Variants in COPS7B observed in about 807,000 individuals in gnomAD.
COPS7B encodes COP9 signalosome complex subunit 7b.
COPS7B carries 9 observed loss-of-function variants against 33.4 expected under a neutral mutation model. The observed-to-expected ratio is 0.27, with a 90% CI of 0.16 to 0.47. The LOEUF is 0.47. COPS7B is among the 20% of genes least tolerant of loss of function. The pLI is 0.99. For synonymous variants in COPS7B, 119 were observed against 126.3 expected (o/e 0.94, Z 0.39); for missense variants, 242 against 318.2 (o/e 0.76, Z 1.82).
intron 6 of COPS7B, among the ~76,000 whole-genome samples, chr2:231,805,568 A>AT (rs1183272380): frequency 6.6e-6 from 1 of 151,360 alleles, no homozygotes; most frequent in Non-Finnish European, 1.5e-5. Context: ...GACTTAAGTG[A>AT]TCCTCCTGCC....
Position 231,794,325 on chromosome 2 carries a change from A to G in COPS7B, c.301A>G (p.Ile101Val), listed in dbSNP as rs766746543. ...GCAGAACAAGCTGAAGCATCTTACC[A>G]TCGTGAGCTTGGCATCAAGAATGAA... ...AQQNKLKHLT[I>V]VSLASRMKCI... Residue 101 changes from isoleucine to valine, a missense_variant, in exon 4 of 7, where the codon ATC (isoleucine) becomes GTC (valine). Ile to Val is a conservative substitution (Grantham distance 29). Transcript: ENST00000350033. 7 of 1,613,956 alleles carry G rather than the reference A, an allele frequency of 4.3e-6. No individual in the cohort carries two copies. Among genetic ancestry groups the G allele is most frequent in the Admixed American group, 3.3e-5 (2 of 59,984 alleles).
intron 4 of COPS7B, among the ~76,000 whole-genome samples, chr2:231,795,714 T>G (rs2049547919): frequency 6.6e-6 from 1 of 152,214 alleles, no homozygotes; most frequent in Non-Finnish European, 1.5e-5. Context: ...AGTAGCCAGC[T>G]CTTTCCAGTG....
chr2:231,787,798 G>T (rs1318879522), intron 1 of COPS7B, among the ~76,000 whole-genome samples: 1 of 152,076 alleles, frequency 6.6e-6, no homozygotes, highest in Non-Finnish European at 1.5e-5. Context: ...TATCTGTCTG[G>T]CTGTAGATTG....
At chr2:231,784,809 CTTTG>C (rs1231435461), upstream of COPS7B, among the ~76,000 whole-genome samples, 8 of 152,104 alleles carry the variant, frequency 5.3e-5, no homozygotes, top group African/African-American at 1.9e-4. Context: ...TTGCCACTAC[CTTTG>C]TTTTTGTTTG....
chr2:231,806,012 G>A (rs1167978945), intron 6 of COPS7B, among the ~76,000 whole-genome samples: 1 of 151,950 alleles, frequency 6.6e-6, no homozygotes, highest in Non-Finnish European at 1.5e-5. Context: ...AAAGGCTACA[G>A]CGTTGATTGA....
Position 231,808,203 on chromosome 2 carries a change from G to T in COPS7B, c.*558G>T. 3.1e-6 allele frequency: 1 copy of T among 325,142 alleles called. No homozygotes were observed. Among genetic ancestry groups the T allele is most frequent in the Non-Finnish European group, 6.2e-6 (1 of 162,420 alleles). 20.1% of individuals were successfully genotyped at this position (325,142 alleles called of 1,614,324 possible). A position where few individuals can be genotyped will look rare whatever the true frequency, so the allele number is the denominator to read the frequency against. On this transcript the variant is annotated 3_prime_UTR_variant, in exon 7 of 7. Transcript: ENST00000350033. ...AGGCCGTGGAGGGACGTGATGCTGG[G>T]CTGTGTTTACTAAACCCACGGGTTT...
upstream of COPS7B, chr2:231,781,871 T>C (rs2049139300): frequency 6.4e-7 from 1 of 1,550,688 alleles, no homozygotes. Context: ...AACTCAGACA[T>C]CTGCAAATCA....
At chr2:231,791,942 C>A in intron 3 of COPS7B, 134 bp downstream of exon 3, 1 of 779,698 alleles carries the variant, frequency 1.3e-6, no homozygotes. Context: ...TTTTGCTGTG[C>A]CCGGTGGGTG....
Position 231,796,114 on chromosome 2 carries a change from C to T in COPS7B, c.336C>T (p.Pro112=), listed in dbSNP as rs745763588. ...VSLASRMKCI[P]YSVLLKDLEM... ...CATGGCCTTATCTACAGTGTATCCC[C>T]TACTCCGTGTTGCTGAAAGACCTGG... The change falls in exon 5 of 7, where the codon CCC becomes CCT. Residue 112 remains proline, a synonymous_variant. Transcript: ENST00000350033. 13 of 1,613,586 alleles carry T rather than the reference C, an allele frequency of 8.1e-6. No individual in the cohort carries two copies. In the African/African-American group the frequency reaches 1.7e-4, roughly 22 times the overall value.
intron 6 of COPS7B, chr2:231,801,188 A>G: frequency 2.6e-6 from 4 of 1,550,532 alleles, no homozygotes; most frequent in East Asian, 2.4e-5. Flanking sequence ...CCTGAATCTT[A>G]TAACAACAGC....
At chr2:231,790,039 G>A (rs1574655806) in intron 2 of COPS7B, 2 of 152,174 alleles carry the variant, frequency 1.3e-5, no homozygotes, top group African/African-American at 4.8e-5. Context: ...CTTTAGAGCT[G>A]AATACGTAGC....
chr2:231,807,786 C>G lies in COPS7B; in HGVS notation c.*141C>G. Reference sequence around the variant, plus strand: ...CCAGCGCCTCCCCACCCTGTTGGTACTGTTCCAGAAAAACTGTTACTCCCC... The same window carrying G: ...CCAGCGCCTCCCCACCCTGTTGGTAGTGTTCCAGAAAAACTGTTACTCCCC... On this transcript the variant is annotated 3_prime_UTR_variant, in exon 7 of 7. Transcript: ENST00000350033. 1 of 725,860 alleles carries G rather than the reference C, an allele frequency of 1.4e-6. No individual in the cohort carries two copies. Among genetic ancestry groups the G allele is most frequent in the Non-Finnish European group, 2.2e-6 (1 of 459,152 alleles). The allele number at this position is 725,860 out of a possible 1,614,324, so 45.0% of individuals were successfully genotyped here.
chr2:231,807,661 C>A lies in COPS7B; in HGVS notation c.*16C>A. 5.2e-6 allele frequency: 8 copies of A among 1,545,202 alleles called. No individual in the cohort carries two copies. Among genetic ancestry groups the A allele is most frequent in the Non-Finnish European group, 7.0e-6 (8 of 1,144,554 alleles). On this transcript the variant is annotated 3_prime_UTR_variant, in exon 7 of 7. Coordinates refer to ENST00000350033, the MANE Select transcript of COPS7B (RefSeq NM_022730.4). ...CCGCCACTAGGGCCGGCTGGGGCAG[C>A]TGGCACTCACCAGGCCTGGGTCAGG...
intron 4 of COPS7B, among the ~76,000 whole-genome samples, 176 bp from the exon 5 acceptor site, chr2:231,795,930 G>A (rs1278013352): frequency 6.6e-6 from 1 of 152,090 alleles, no homozygotes; most frequent in African/African-American, 2.4e-5. Flanking sequence ...TTAGATGTTG[G>A]GTCTTCTAGG....
chr2:231,797,168 G>A (rs1214446882), intron 5 of COPS7B, among the ~76,000 whole-genome samples: 2 of 152,162 alleles, frequency 1.3e-5, no homozygotes, highest in African/African-American at 2.4e-5. Flanking sequence ...ACACAGGTTC[G>A]GGAGGGAGAG....
chr2:231,799,302 A>G (rs2049674189), intron 6 of COPS7B, among the ~76,000 whole-genome samples: 1 of 152,180 alleles, frequency 6.6e-6, no homozygotes, highest in Non-Finnish European at 1.5e-5. Flanking sequence ...GGATGGTGGT[A>G]AGTTACCAGG....
chr2:231,786,734 C>A (rs1016481469), intron 1 of COPS7B, among the ~76,000 whole-genome samples, 196 bp downstream of exon 1: 1 of 152,196 alleles, frequency 6.6e-6, no homozygotes, highest in Admixed American at 6.5e-5. Context: ...AGGTCTGCTG[C>A]AGCTTGCGAC....
At chr2:231,794,176 G>T (rs2049499995) in intron 3 of COPS7B, 87 bp from the exon 4 acceptor site, 3 of 966,216 alleles carry the variant, frequency 3.1e-6, no homozygotes, top group Non-Finnish European at 4.9e-6. Context: ...TAGTAGATTT[G>T]GTTTGGGGAG....
upstream of COPS7B, chr2:231,781,790 C>T (rs902317697): frequency 1.9e-6 from 3 of 1,542,132 alleles, no homozygotes; most frequent in East Asian, 2.4e-5. Flanking sequence ...GACTTGAAAC[C>T]CAACGGGAAG....
Sources: allele counts gnomAD v4.1 joint callset (sites outside exome capture counted in the v4.1 genomes callset), GRCh38; gene constraint gnomAD v4.1.1; transcripts MANE v1.5; gene names NCBI Gene and HGNC (gene_info 2026-07-23, HGNC 2026-07-21).